SERPINB7: variants seen among roughly 807,000 people sequenced by gnomAD.
The protein encoded by SERPINB7 is serpin B7.
In SERPINB7, 31 loss-of-function variants were observed where a neutral mutation model predicts 37.4. The observed-to-expected ratio is 0.83, with a 90% CI of 0.62 to 1.12. The LOEUF (loss-of-function observed/expected upper bound fraction) is 1.12, where lower values mean the gene tolerates loss of function less well. Ranked by LOEUF, SERPINB7 falls within the 50% of genes most tolerant of loss-of-function variation. The pLI is 0.00. For missense variants in SERPINB7, 521 were observed against 455.3 expected (o/e 1.14, Z -1.31); for synonymous variants, 163 against 166.1 (o/e 0.98, Z 0.14).
intron 2 of SERPINB7, among the ~76,000 whole-genome samples, chr18:63,791,424 G>A (rs2049425944): frequency 6.6e-6 from 1 of 152,078 alleles, no homozygotes; most frequent in Non-Finnish European, 1.5e-5. Context: ...ATGTTGATAG[G>A]TTCCATGATT....
At chr18:63,796,123 A>G in intron 4 of SERPINB7, 143 bp from the exon 5 acceptor site, 1 of 535,708 alleles carries the variant, frequency 1.9e-6, no homozygotes, top group Non-Finnish European at 3.4e-6. Flanking sequence ...CCATTTCCAT[A>G]TATCCCTATA....
chr18:63,782,913 C>T (rs1040868404), intron 2 of SERPINB7, among the ~76,000 whole-genome samples: 2 of 151,748 alleles, frequency 1.3e-5, no homozygotes, highest in East Asian at 2.0e-4. Flanking sequence ...CCGAGGCGGG[C>T]GGATCACGAG....
intron 3 of SERPINB7, 90 bp downstream of exon 3, chr18:63,792,533 C>T (rs779808732): frequency 6.2e-5 from 52 of 834,092 alleles, no homozygotes; most frequent in Middle Eastern, 2.3e-4. Flanking sequence ...AAGGCTGAGG[C>T]GGGTGGATGA....
In SERPINB7 at chr18:63,804,760, C is replaced by G; in HGVS notation, c.*125C>G. 1.0e-6 allele frequency: 1 copy of G among 984,502 alleles called. No homozygotes were observed. Among genetic ancestry groups the G allele is most frequent in the African/African-American group, 1.7e-5 (1 of 60,520 alleles). The allele number at this position is 984,502 out of a possible 1,614,324, so 61.0% of individuals were successfully genotyped here. ...GAGTTTATTTCTTCCTAACATTGGTCAGCAGATGACACTGGTGACTTGACC... is the reference window on the plus strand; with the variant it reads ...GAGTTTATTTCTTCCTAACATTGGTGAGCAGATGACACTGGTGACTTGACC... On this transcript the variant is annotated 3_prime_UTR_variant, in exon 8 of 8. Transcript: ENST00000398019.
chr18:63,777,931 C>CACAG (rs1555693660), intron 1 of SERPINB7: 2 of 145,976 alleles, frequency 1.4e-5, no homozygotes, highest in South Asian at 2.2e-4. Context: ...CACACAGACA[C>CACAG]AGAGAGAGAG....
chr18:63,784,514 T>C (rs1309607473), intron 2 of SERPINB7, among the ~76,000 whole-genome samples: 1 of 152,236 alleles, frequency 6.6e-6, no homozygotes, highest in Non-Finnish European at 1.5e-5. Context: ...GTGGGTATTT[T>C]GATAAATAAA....
At chr18:63,785,747 T>G (rs937373102) in intron 2 of SERPINB7, among the ~76,000 whole-genome samples, 4 of 151,416 alleles carry the variant, frequency 2.6e-5, no homozygotes, top group African/African-American at 9.7e-5. Flanking sequence ...TTGTGTGTGT[T>G]TTTATTTTCA....
At chr18:63,801,920 A>G (rs567562433) in intron 7 of SERPINB7, among the ~76,000 whole-genome samples, 2 of 152,250 alleles carry the variant, frequency 1.3e-5, no homozygotes, top group African/African-American at 4.8e-5. Context: ...ATCGTGGCGG[A>G]ATTCAGGCCT....
intron 6 of SERPINB7, 84 bp downstream of exon 6, chr18:63,798,830 C>G (rs2049517482): frequency 1.4e-6 from 2 of 1,384,852 alleles, no homozygotes; most frequent in East Asian, 2.4e-5. Context: ...ATAGTAAACT[C>G]TAGGTTCACC....
At chr18:63,769,962 G>T (rs2144593566) in intron 1 of SERPINB7, among the ~76,000 whole-genome samples, 1 of 151,054 alleles carries the variant, frequency 6.6e-6, no homozygotes, top group Middle Eastern at 3.4e-3. Context: ...TCACGACTTG[G>T]TGCACACAGT....
intron 1 of SERPINB7, among the ~76,000 whole-genome samples, chr18:63,779,460 A>C (rs1211114671): frequency 1.3e-5 from 2 of 152,196 alleles, no homozygotes; most frequent in African/African-American, 4.8e-5. Context: ...AGATAATAAA[A>C]ATAATTATGT....
intron 1 of SERPINB7, among the ~76,000 whole-genome samples, chr18:63,758,269 A>G (rs1302320189): frequency 2.0e-5 from 3 of 152,298 alleles, no homozygotes; most frequent in East Asian, 3.9e-4. Context: ...ACTTATCCCA[A>G]TAACTAATTA....
rs1434029994 is a variant in SERPINB7, at chr18:63,761,211, G to A, written c.-19+8091G>A. Among the ~76,000 whole-genome samples, 9 of 152,338 alleles carry A rather than the reference G, an allele frequency of 5.9e-5. No homozygotes were observed. The East Asian group carries it at 1.7e-3, about 29-fold the overall frequency. The stretch of plus-strand genomic sequence containing the variant: ...CCTGGATGTGAGACCTGGAGGCAAA[G>A]GAGATTATTTTGGAGCTTTAAAATT... On this transcript the variant is annotated intron_variant, in intron 1 of 7. Transcript: ENST00000336429.
intron 2 of SERPINB7, among the ~76,000 whole-genome samples, chr18:63,786,776 T>C (rs1050689686): frequency 2.3e-4 from 35 of 152,026 alleles, no homozygotes; most frequent in Admixed American, 9.8e-4. Flanking sequence ...CATGAAAGTA[T>C]AGCACACTTT....
upstream of SERPINB7, among the ~76,000 whole-genome samples, chr18:63,771,084 G>A (rs557927247): frequency 3.9e-5 from 6 of 152,150 alleles, no homozygotes; most frequent in South Asian, 1.2e-3. Flanking sequence ...GGTGCTTTAG[G>A]AATGGGGATA....
chr18:63,753,679 G>T (rs1243169578), intron 1 of SERPINB7, among the ~76,000 whole-genome samples: 2 of 152,200 alleles, frequency 1.3e-5, no homozygotes, highest in Non-Finnish European at 2.9e-5. Flanking sequence ...CAACCATGAT[G>T]ATAATTCCCT....
At chr18:63,761,099 A>T (rs2049151147) in intron 1 of SERPINB7, among the ~76,000 whole-genome samples, 1 of 152,216 alleles carries the variant, frequency 6.6e-6, no homozygotes, top group Non-Finnish European at 1.5e-5. Flanking sequence ...AGGCCATGAA[A>T]GCAGCTGGGA....
At chr18:63,754,878 GTCTTTTTTTTTTTTT>G (rs1403215431) in intron 1 of SERPINB7, among the ~76,000 whole-genome samples, 1 of 90,158 alleles carries the variant, frequency 1.1e-5, no homozygotes, top group African/African-American at 3.6e-5. Flanking sequence ...TTAAACTGAG[GTCTTTTTTTTTTTTT>G]TTTTTTTTTT....
chr18:63,754,115 C>T (rs1438379698), intron 1 of SERPINB7, among the ~76,000 whole-genome samples: 2 of 152,084 alleles, frequency 1.3e-5, no homozygotes, highest in African/African-American at 4.8e-5. Context: ...GTTTTTAATG[C>T]TAATATATAA....
Sources: allele counts gnomAD v4.1 joint callset (sites outside exome capture counted in the v4.1 genomes callset), GRCh38; gene constraint gnomAD v4.1.1; transcripts MANE v1.5; gene names NCBI Gene and HGNC (gene_info 2026-07-23, HGNC 2026-07-21).